PTPRT: variants seen among roughly 807,000 people sequenced by gnomAD.
PTPRT encodes the protein protein tyrosine phosphatase receptor type T.
PTPRT carries 56 observed loss-of-function variants against 176.8 expected under a neutral mutation model. That is an observed-to-expected ratio of 0.32 (90% confidence interval 0.26 to 0.40). The LOEUF (loss-of-function observed/expected upper bound fraction) is 0.40, where lower values mean the gene tolerates loss of function less well. Ranked by LOEUF, PTPRT falls within the 10% of genes least tolerant of loss-of-function variation. The pLI is 1.00. For missense variants in PTPRT, 1,540 were observed against 1,908.2 expected (o/e 0.81, Z 3.60); for synonymous variants, 783 against 739.0 (o/e 1.06, Z -0.96).
intron 1 of PTPRT, among the ~76,000 whole-genome samples, chr20:43,104,414 A>C (rs1483750558): frequency 6.6e-6 from 1 of 152,170 alleles, no homozygotes; most frequent in Non-Finnish European, 1.5e-5. Context: ...AACATAACAA[A>C]GCAGCTAAGA....
At chr20:42,634,576 C>A (rs540435143) in intron 7 of PTPRT, among the ~76,000 whole-genome samples, 1 of 152,100 alleles carries the variant, frequency 6.6e-6, no homozygotes, top group African/African-American at 2.4e-5. Flanking sequence ...GAGGAAGGTA[C>A]AGGCATGCTA....
intron 1 of PTPRT, among the ~76,000 whole-genome samples, chr20:43,096,293 T>C (rs1229099154): frequency 1.3e-5 from 2 of 152,098 alleles, no homozygotes; most frequent in African/African-American, 4.8e-5. Context: ...CCACCTGACT[T>C]CAGACAGGGA....
At chr20:42,176,532 G>A (rs1990298830) in intron 16 of PTPRT, among the ~76,000 whole-genome samples, 1 of 152,096 alleles carries the variant, frequency 6.6e-6, no homozygotes, top group African/African-American at 2.4e-5. Flanking sequence ...AACTGGCCCA[G>A]AATTTTGTAT....
At chr20:42,275,551 G>GAGTGGGGTATGGA (rs901449965) in intron 13 of PTPRT, among the ~76,000 whole-genome samples, 1 of 152,134 alleles carries the variant, frequency 6.6e-6, no homozygotes, top group Non-Finnish European at 1.5e-5. Flanking sequence ...TTGTCTTCCT[G>GAGTGGGGTATGGA]AGTGGGGTAT....
At chr20:43,016,844 T>C (rs1343136939) in intron 1 of PTPRT, among the ~76,000 whole-genome samples, 1 of 151,970 alleles carries the variant, frequency 6.6e-6, no homozygotes, top group Non-Finnish European at 1.5e-5. Flanking sequence ...GCCCTCTCAC[T>C]GCCTATCTCC....
intron 16 of PTPRT, among the ~76,000 whole-genome samples, chr20:42,177,860 C>T (rs1990356781): frequency 6.6e-6 from 1 of 151,712 alleles, no homozygotes; most frequent in African/African-American, 2.4e-5. Context: ...CTTCCCTCCC[C>T]TCCCCTTCCC....
intron 9 of PTPRT, among the ~76,000 whole-genome samples, chr20:42,441,840 G>C (rs1004838133): frequency 6.6e-6 from 1 of 152,194 alleles, no homozygotes; most frequent in Non-Finnish European, 1.5e-5. Flanking sequence ...AGCCTGGCTC[G>C]AGTTATACTC....
chr20:42,254,935 T>C (rs1305992534), intron 13 of PTPRT, among the ~76,000 whole-genome samples: 1 of 152,184 alleles, frequency 6.6e-6, no homozygotes, highest in East Asian at 1.9e-4. Context: ...ATACTCATAC[T>C]CTTGGTGAGA....
At chr20:43,108,118 T>G (rs776281732) in intron 1 of PTPRT, among the ~76,000 whole-genome samples, 1 of 152,224 alleles carries the variant, frequency 6.6e-6, no homozygotes, top group Admixed American at 6.5e-5. Flanking sequence ...CACCTGAGGA[T>G]GGGTGGGTCT....
rs1165636327 is a variant in PTPRT at position 42,085,731 on chromosome 20, G to A, written c.3969C>T (p.Ala1323=). The A allele has an allele frequency of 1.9e-6, 3 of 1,613,614 alleles. No individual in the cohort carries two copies. The African/African-American group carries it at 4.0e-5, about 22-fold the overall frequency. Residue 1323 remains alanine (A), a synonymous_variant, in exon 28 of 31, where the codon GCC becomes GCT. Transcript: ENST00000373187. ...GCAATGGCGGCCGTGTACTTACCCG[G>A]GCCATGTTACAGATGCGGAATATTC... The part of the protein sequence containing the change: ...IHRIFRICNM[A]RPQDGYRIVQ...
chr20:42,206,434 G>A (rs1025814911), intron 15 of PTPRT, among the ~76,000 whole-genome samples: 11 of 152,160 alleles, frequency 7.2e-5, no homozygotes, highest in Non-Finnish European at 1.3e-4. Flanking sequence ...CGCACCATGC[G>A]CGAGCCGAAG....
intron 7 of PTPRT, among the ~76,000 whole-genome samples, chr20:42,510,392 G>T (rs772926736): frequency 8.6e-5 from 13 of 151,932 alleles, no homozygotes; most frequent in Non-Finnish European, 1.5e-4. Context: ...TGTATTCCTG[G>T]AACTTTGCTT....
intron 2 of PTPRT, among the ~76,000 whole-genome samples, chr20:42,798,515 T>C (rs2077484485): frequency 6.6e-6 from 1 of 152,180 alleles, no homozygotes. Context: ...ACATTATTCT[T>C]ATTATCTATG....
At chr20:42,202,071 G>C (rs1991475922) in intron 15 of PTPRT, among the ~76,000 whole-genome samples, 1 of 152,040 alleles carries the variant, frequency 6.6e-6, no homozygotes, top group Non-Finnish European at 1.5e-5. Flanking sequence ...CCAGGCTCAA[G>C]TAATTCTCAT....
At chr20:43,112,155 G>T (rs940842826) in intron 1 of PTPRT, among the ~76,000 whole-genome samples, 2 of 152,220 alleles carry the variant, frequency 1.3e-5, no homozygotes, top group Non-Finnish European at 2.9e-5. Context: ...GCTATCCGAG[G>T]AACAGTGCAT....
chr20:42,351,941 C>A, intron 10 of PTPRT, 143 bp downstream of exon 10: 1 of 711,182 alleles, frequency 1.4e-6, no homozygotes, highest in East Asian at 2.6e-5. Flanking sequence ...TAGGAGACAA[C>A]AATGGTAACT....
At chr20:42,567,306 AGAG>A (rs1291281056) in intron 7 of PTPRT, among the ~76,000 whole-genome samples, 27 of 148,242 alleles carry the variant, frequency 1.8e-4, no homozygotes, top group African/African-American at 6.0e-4. Context: ...AGAGAGAGAG[AGAG>A]AAAAAAAACG....
intron 7 of PTPRT, among the ~76,000 whole-genome samples, chr20:42,592,534 T>C (rs889979909): frequency 1.3e-5 from 2 of 152,040 alleles, no homozygotes; most frequent in African/African-American, 2.4e-5. Context: ...AAAGCTGGGG[T>C]TTTGTTTCTC....
chr20:42,210,185 A>G (rs1225309581), intron 15 of PTPRT, among the ~76,000 whole-genome samples: 3 of 152,230 alleles, frequency 2.0e-5, no homozygotes, highest in Non-Finnish European at 2.9e-5. Context: ...ACCCACAGCC[A>G]ATATCATACT....
Sources: gnomAD v4.1 joint callset for allele counts (sites outside exome capture counted in the v4.1 genomes callset) on GRCh38, gnomAD v4.1.1 for gene constraint, MANE v1.5 for transcripts, NCBI Gene and HGNC (gene_info 2026-07-23, HGNC 2026-07-21) for gene names.